RBM22: variants seen among roughly 807,000 people sequenced by gnomAD.
The protein encoded by RBM22 is RNA binding motif protein 22, also known as pre-mRNA-splicing factor RBM22.
RBM22 carries 1 observed loss-of-function variant against 50.1 expected under a neutral mutation model. The ratio of observed to expected loss-of-function variants is 0.02; its 90% CI spans 0.01 to 0.09. RBM22 has a LOEUF of 0.09. RBM22 is among the 10% of genes least tolerant of loss of function. The probability of loss-of-function intolerance (pLI) is 1.00; values close to 1 mark genes in which losing one functional copy is unlikely to be tolerated. For synonymous variants in RBM22, 152 were observed against 179.0 expected, an observed-to-expected ratio of 0.85 and a Z score of 1.20; for missense variants, 264 against 529.3, an observed-to-expected ratio of 0.50 and a Z score of 4.92.
In RBM22 at chr5:150,695,678, G is replaced by C. The variant is rs1365081524; in HGVS notation, c.574C>G (p.Pro192Ala). The change falls in exon 7 of 11, where the codon CCC becomes GCC. Residue 192 changes from proline (P) to alanine (A), a missense_variant. Pro to Ala is a conservative substitution (Grantham distance 27). Transcript: ENST00000199814. ...RHEKPTDPDDPLADQNIKDRY... is the reference protein window; with the variant it reads ...RHEKPTDPDDALADQNIKDRY... Reference sequence around the variant, plus strand: ...TCTTTAATATTCTGATCAGCAAGGGGGTCATCTGGATCTGTAGGCTTCTCA... The same window carrying C: ...TCTTTAATATTCTGATCAGCAAGGGCGTCATCTGGATCTGTAGGCTTCTCA... 3 of 1,610,930 alleles carry C rather than the reference G, an allele frequency of 1.9e-6. No individual in the cohort carries two copies. Among genetic ancestry groups the C allele is most frequent in the Admixed American group, 1.7e-5 (1 of 59,920 alleles).
chr5:150,697,855 C>A, intron 4 of RBM22: 1 of 211,282 alleles, frequency 4.7e-6, no homozygotes, highest in Non-Finnish European at 9.8e-6. Context: ...TATATCAGTT[C>A]TAACAACACA....
chr5:150,697,213 G>A (rs143672139), intron 4 of RBM22, among the ~76,000 whole-genome samples: 251 of 152,242 alleles, frequency 1.6e-3, no homozygotes, highest in African/African-American at 5.6e-3. Context: ...CTTGAGTCCA[G>A]GAGTTCGAGA....
At chr5:150,692,072 CA>C (rs373058030) in intron 10 of RBM22, among the ~76,000 whole-genome samples, 191 bp from the exon 11 acceptor site, 1 of 152,088 alleles carries the variant, frequency 6.6e-6, no homozygotes, top group Admixed American at 6.6e-5. Flanking sequence ...CCCCACAGTC[CA>C]AAAAACTCCA....
chr5:150,692,421 T>G (rs988900287), intron 10 of RBM22, among the ~76,000 whole-genome samples: 1 of 152,064 alleles, frequency 6.6e-6, no homozygotes. Flanking sequence ...AAAATGTAAA[T>G]TATACGACCA....
intron 4 of RBM22, 152 bp from the exon 5 acceptor site, chr5:150,697,043 T>C: frequency 1.4e-6 from 1 of 718,644 alleles, no homozygotes; most frequent in Non-Finnish European, 2.3e-6. Context: ...TTTAGCACCA[T>C]CAGGTTACTT....
chr5:150,693,377 CCCAGT>C (rs1759234886), intron 8 of RBM22, 70 bp from the exon 9 acceptor site: 2 of 1,257,040 alleles, frequency 1.6e-6, no homozygotes, highest in Non-Finnish European at 2.3e-6. Flanking sequence ...TCTTACATTC[CCCAGT>C]CCAATGGAGT....
Position 150,691,849 on chromosome 5 carries a change from G to A in RBM22, c.1165C>T (p.Pro389Ser). Reference sequence around the variant, plus strand: ...GGAGCCCGCATGAAAGGAGGGGGTGGTCCCATTGGGTGGAACATGTGTGGC... The same window carrying A: ...GGAGCCCGCATGAAAGGAGGGGGTGATCCCATTGGGTGGAACATGTGTGGC... ...FGPHMFHPMG[P>S]PPPFMRAPGP... The change falls in exon 11 of 11, where the codon CCA becomes TCA. Residue 389 changes from proline (P) to serine (S), a missense_variant. Physicochemically the swap from Pro to Ser is moderately conservative, Grantham distance 74 (BLOSUM62 -1). Transcript: ENST00000199814. 6.3e-7 allele frequency: 1 copy of A among 1,599,166 alleles called. No homozygotes were observed. Among genetic ancestry groups the A allele is most frequent in the Non-Finnish European group, 8.5e-7 (1 of 1,172,784 alleles).
At position 150,696,092 on chromosome 5, in the gene RBM22, C is replaced by T. The variant is rs760269814; in HGVS notation, c.546-386G>A. On this transcript the variant is annotated intron_variant, in intron 6 of 10. Transcript: ENST00000199814. This position sits in a 1 kb window ranked among gnomAD's most constrained non-coding sequence, Gnocchi z 4.3. ...AGAATCTGATTAAAGCTATGAACCT[C>T]GCCCCAGAGAAAGCACATACATTAT... 5.3e-5 allele frequency among the ~76,000 whole-genome samples: 8 copies of T among 151,028 alleles called. No individual in the cohort carries two copies. The highest frequency in any genetic ancestry group is 1.0e-4 in the Non-Finnish European group (7 of 67,874).
Position 150,691,511 on chromosome 5 carries a change from G to T in RBM22, c.*240C>A. The T allele has an allele frequency of 2.9e-6, 1 of 341,002 alleles. No homozygotes were observed. Among genetic ancestry groups the T allele is most frequent in the Non-Finnish European group, 5.1e-6 (1 of 195,460 alleles). The allele number at this position is 341,002 out of a possible 1,614,324, so 21.1% of individuals were successfully genotyped here. ...CCCCACACGGGTAAGGGGAACAGGCGTTCGGTTTTATTAGTCATGTTACAG... is the reference window on the plus strand; with the variant it reads ...CCCCACACGGGTAAGGGGAACAGGCTTTCGGTTTTATTAGTCATGTTACAG... On this transcript the variant is annotated 3_prime_UTR_variant, in exon 11 of 11. Coordinates refer to ENST00000199814, the MANE Select transcript of RBM22 (RefSeq NM_018047.3).
In RBM22 at chr5:150,699,280, G is replaced by A; in HGVS notation, c.109-9C>T. On this transcript the variant is annotated splice_polypyrimidine_tract_variant and intron_variant, in intron 2 of 10. Coordinates refer to ENST00000199814, the MANE Select transcript of RBM22 (RefSeq NM_018047.3). Reference sequence around the variant, plus strand: ...CCATACTTTTCTTTGGTCTATAATAGAAAAAAAATAGAAAAGAACTGGAGT... The same window carrying A: ...CCATACTTTTCTTTGGTCTATAATAAAAAAAAAATAGAAAAGAACTGGAGT... 3 of 1,561,148 alleles carry A rather than the reference G, an allele frequency of 1.9e-6. No homozygotes were observed. Among genetic ancestry groups the A allele is most frequent in the East Asian group, 2.3e-5 (1 of 43,058 alleles).
At chr5:150,694,595 GAC>G (rs1356060785) in intron 7 of RBM22, 1 of 179,446 alleles carries the variant, frequency 5.6e-6, no homozygotes, top group Non-Finnish European at 1.2e-5. Flanking sequence ...AAGAATACGT[GAC>G]AGAGACTGCA....
Position 150,701,014 on chromosome 5 carries a change from T to C in RBM22, c.-29A>G, listed in dbSNP as rs746213213. 1.2e-6 allele frequency: 2 copies of C among 1,614,060 alleles called. No individual in the cohort carries two copies. The highest frequency in any genetic ancestry group is 8.5e-7 in the Non-Finnish European group (1 of 1,179,934). On this transcript the variant is annotated 5_prime_UTR_variant, in exon 1 of 11. Transcript: ENST00000199814. ...GAGAGCGTCCGGAGGTAGCTGTAGC[T>C]TCCGAATTGGGAGAGAGGACCGCCA... is the stretch of plus-strand genomic sequence containing the variant.
chr5:150,693,514 CATAA>C (rs1376158483), intron 8 of RBM22, among the ~76,000 whole-genome samples: 1 of 152,216 alleles, frequency 6.6e-6, no homozygotes, highest in Non-Finnish European at 1.5e-5. Context: ...CTAGAACTAT[CATAA>C]GGACCAGAAA....
chr5:150,696,814 A>G lies in RBM22; in HGVS notation c.349T>C (p.Tyr117His). The G allele has an allele frequency of 1.9e-6, 3 of 1,614,220 alleles. No homozygotes were observed. Among genetic ancestry groups the G allele is most frequent in the South Asian group, 1.1e-5 (1 of 91,092 alleles). ...ACCTCTCTCTCCATATTCTGTGTAT[A>G]GTACTCTTTGTTGACATCTGACTTT... is the stretch of plus-strand genomic sequence containing the variant. ...MPKSDVNKEY[Y>H]TQNMEREISN... The change falls in exon 5 of 11, where the codon TAT becomes CAT. Residue 117 changes from tyrosine to histidine, a missense_variant. By Grantham distance (83) the Tyr-to-His change is moderately conservative. Around this residue, in one of 7 missense-constraint regions of RBM22, gnomAD observed 44 missense variants for 57.9 expected, o/e 0.76. Transcript: ENST00000199814. This position sits in a 1 kb window ranked among gnomAD's most constrained non-coding sequence, Gnocchi z 4.3.
At chr5:150,698,297 C>T (rs1561679294) in intron 4 of RBM22, among the ~76,000 whole-genome samples, 1 of 152,064 alleles carries the variant, frequency 6.6e-6, no homozygotes. Flanking sequence ...TGATTAATTC[C>T]CAACTTTTCC....
At chr5:150,694,766 T>A (rs1410297299) in intron 7 of RBM22, 1 of 152,694 alleles carries the variant, frequency 6.5e-6, no homozygotes, top group East Asian at 1.9e-4. Context: ...ACTTTATCTC[T>A]TTGGAAGAGG....
intron 6 of RBM22, 144 bp from the exon 7 acceptor site, chr5:150,695,850 T>C (rs1047497968): frequency 3.0e-6 from 2 of 674,792 alleles, no homozygotes; most frequent in Non-Finnish European, 2.5e-6. Flanking sequence ...TACCAAAATA[T>C]AATTACCAAA....
intron 9 of RBM22, 27 bp downstream of exon 9, chr5:150,693,192 T>C (rs199505079): frequency 6.3e-7 from 1 of 1,597,094 alleles, no homozygotes; most frequent in Admixed American, 1.7e-5. Context: ...AAAGAGCTTC[T>C]GAAGTCAGCA....
chr5:150,695,824 T>A, intron 6 of RBM22, 118 bp from the exon 7 acceptor site: 1 of 797,444 alleles, frequency 1.3e-6, no homozygotes, highest in Non-Finnish European at 2.0e-6. Flanking sequence ...CCTTTTGAAC[T>A]AGAAACTATG....
Sources: allele counts gnomAD v4.1 joint callset (sites outside exome capture counted in the v4.1 genomes callset), GRCh38; gene constraint gnomAD v4.1.1; regional missense constraint gnomAD v4.1.1; non-coding constraint Gnocchi (gnomAD v3.1); transcripts MANE v1.5; gene names NCBI Gene and HGNC (gene_info 2026-07-23, HGNC 2026-07-21).